LIN7A: variants seen among roughly 807,000 people sequenced by gnomAD.
The protein encoded by LIN7A is lin-7 cell polarity scaffold A.
LIN7A carries 25 observed loss-of-function variants against 29.8 expected under a neutral mutation model. The observed-to-expected ratio is 0.84, with a 90% CI of 0.61 to 1.17. The LOEUF (loss-of-function observed/expected upper bound fraction) is 1.17, where lower values mean the gene tolerates loss of function less well. Among genes scored for constraint, LIN7A ranks in the 50% most tolerant of loss-of-function variants. The pLI, the probability that LIN7A is intolerant of heterozygous loss-of-function variation, is 0.00. For missense variants in LIN7A, 239 were observed against 287.0 expected, an observed-to-expected ratio of 0.83 and a Z score of 1.21; for synonymous variants, 118 against 107.5, an observed-to-expected ratio of 1.10 and a Z score of -0.60.
chr12:80,927,719 A>G (rs937385507), intron 1 of LIN7A, among the ~76,000 whole-genome samples: 3 of 152,122 alleles, frequency 2.0e-5, no homozygotes, highest in African/African-American at 7.2e-5. Context: ...TCATTTTTTT[A>G]AAATTATACT....
intron 5 of LIN7A, among the ~76,000 whole-genome samples, chr12:80,807,204 T>C (rs1871084551): frequency 6.6e-6 from 1 of 151,562 alleles, no homozygotes; most frequent in Non-Finnish European, 1.5e-5. Flanking sequence ...CCTGAGTAGC[T>C]GGGACTACAG....
intron 1 of LIN7A, among the ~76,000 whole-genome samples, chr12:80,930,263 T>G (rs1225393000): frequency 1.3e-5 from 2 of 152,208 alleles, no homozygotes; most frequent in Non-Finnish European, 2.9e-5. Flanking sequence ...CAATCCCTCA[T>G]GATTTTTTTC....
Position 80,861,390 on chromosome 12 carries a change from A to G in LIN7A, c.202-13068T>C, listed in dbSNP as rs527652654. ...CTATAAATCCACCCAGCGCTGCTTG[A>G]TGGAGGAGTGACAGAAGTTGTGCCC... is the stretch of plus-strand genomic sequence containing the variant. On this transcript the variant is annotated intron_variant, in intron 2 of 5. Coordinates refer to ENST00000552864, the MANE Select transcript of LIN7A (RefSeq NM_004664.4). The G allele has an allele frequency of 1.2e-3, 182 of 155,208 alleles. 1 individual carries two copies. The highest frequency in any genetic ancestry group is 2.9e-3 in the Middle Eastern group (4 of 1,374). 9.6% of individuals were successfully genotyped at this position (155,208 alleles called of 1,614,324 possible). A position where few individuals can be genotyped will look rare whatever the true frequency, so the allele number is the denominator to read the frequency against.
chr12:80,849,902 TTCC>T (rs1239329513), intron 2 of LIN7A, among the ~76,000 whole-genome samples: 1 of 152,184 alleles, frequency 6.6e-6, no homozygotes, highest in Non-Finnish European at 1.5e-5. Context: ...CTCTCCACAG[TTCC>T]TGGTCATCTG....
chr12:80,920,750 G>C (rs954686005), intron 1 of LIN7A, among the ~76,000 whole-genome samples: 3 of 152,150 alleles, frequency 2.0e-5, no homozygotes, highest in Non-Finnish European at 2.9e-5. Context: ...ATAATGGAGA[G>C]TGATCCAAGA....
At chr12:80,820,596 A>G (rs946133687) in intron 4 of LIN7A, among the ~76,000 whole-genome samples, 2 of 150,098 alleles carry the variant, frequency 1.3e-5, no homozygotes, top group African/African-American at 4.9e-5. Context: ...AAAAGGGGGG[A>G]AAAGTCCTGA....
chr12:80,863,259 A>C (rs1170517258), intron 2 of LIN7A, among the ~76,000 whole-genome samples: 2 of 152,212 alleles, frequency 1.3e-5, no homozygotes, highest in African/African-American at 4.8e-5. Flanking sequence ...GACTCTCACA[A>C]ATAATGATTT....
At chr12:80,904,735 G>T (rs979019333) in intron 1 of LIN7A, among the ~76,000 whole-genome samples, 3 of 152,052 alleles carry the variant, frequency 2.0e-5, no homozygotes, top group Non-Finnish European at 4.4e-5. Context: ...GGATATTTTT[G>T]ATTTTGGAAT....
At chr12:80,807,077 T>TTTTTTTTTTGACGG (rs1555221364) in intron 5 of LIN7A, among the ~76,000 whole-genome samples, 1 of 115,538 alleles carries the variant, frequency 8.7e-6, no homozygotes, top group Non-Finnish European at 1.8e-5. Context: ...TTTTTTTTTT[T>TTTTTTTTTTGACGG]TTTTTTTTTT....
chr12:80,822,293 C>T (rs147339509), intron 4 of LIN7A, among the ~76,000 whole-genome samples: 23 of 152,258 alleles, frequency 1.5e-4, no homozygotes, highest in Admixed American at 4.6e-4. Flanking sequence ...TGCAGTGGCT[C>T]GTGTCTGTAA....
At chr12:80,907,555 G>T (rs1023006397) in intron 1 of LIN7A, among the ~76,000 whole-genome samples, 3 of 152,064 alleles carry the variant, frequency 2.0e-5, no homozygotes, top group Non-Finnish European at 2.9e-5. Flanking sequence ...TCTATAAAAT[G>T]AGTATTTGGA....
chr12:80,910,804 C>T (rs908289580), intron 1 of LIN7A, among the ~76,000 whole-genome samples: 7 of 152,098 alleles, frequency 4.6e-5, no homozygotes, highest in African/African-American at 1.7e-4. Flanking sequence ...GTTAGCCACT[C>T]GTACATTCAT....
At chr12:80,891,175 T>G (rs1592928710) in intron 1 of LIN7A, among the ~76,000 whole-genome samples, 1 of 152,310 alleles carries the variant, frequency 6.6e-6, no homozygotes, top group South Asian at 2.1e-4. Flanking sequence ...CATTTCTCAC[T>G]TGCAGTACTG....
At chr12:80,799,628 AT>A (rs1870619383) in intron 5 of LIN7A, among the ~76,000 whole-genome samples, 1 of 152,222 alleles carries the variant, frequency 6.6e-6, no homozygotes, top group Admixed American at 6.5e-5. Context: ...AAAAATAAAA[AT>A]GTTTTGATAA....
chr12:80,921,085 A>T (rs1877276890), intron 1 of LIN7A, among the ~76,000 whole-genome samples: 1 of 152,146 alleles, frequency 6.6e-6, no homozygotes, highest in Non-Finnish European at 1.5e-5. Context: ...TGGTGTTAGA[A>T]GGTAAGGACT....
intron 1 of LIN7A, among the ~76,000 whole-genome samples, chr12:80,931,335 C>T (rs938139337): frequency 3.3e-5 from 5 of 152,150 alleles, no homozygotes; most frequent in South Asian, 4.1e-4. Context: ...CTCTTTGTAA[C>T]TTTTAATTAT....
chr12:80,919,254 A>G (rs1363226303), intron 1 of LIN7A, among the ~76,000 whole-genome samples: 1 of 152,206 alleles, frequency 6.6e-6, no homozygotes, highest in Non-Finnish European at 1.5e-5. Flanking sequence ...GCTAGGTGAG[A>G]ATAACTTATA....
intron 1 of LIN7A, among the ~76,000 whole-genome samples, chr12:80,914,442 A>C (rs1342167040): frequency 6.6e-6 from 1 of 152,170 alleles, no homozygotes; most frequent in Non-Finnish European, 1.5e-5. Flanking sequence ...TTCCCCATAC[A>C]TTCAATCCCG....
chr12:80,881,384 A>G (rs1049108753), intron 2 of LIN7A, among the ~76,000 whole-genome samples: 1 of 152,198 alleles, frequency 6.6e-6, no homozygotes, highest in Non-Finnish European at 1.5e-5. Flanking sequence ...ACAGAAAGAG[A>G]TATGCACAAA....
Sources: allele counts gnomAD v4.1 joint callset (sites outside exome capture counted in the v4.1 genomes callset), GRCh38; gene constraint gnomAD v4.1.1; transcripts MANE v1.5; gene names NCBI Gene and HGNC (gene_info 2026-07-23, HGNC 2026-07-21).